The following NAALADL2 variants were observed in gnomAD, a reference collection of about 807,000 sequenced individuals.
The protein encoded by NAALADL2 is N-acetylated alpha-linked acidic dipeptidase like 2, also known as inactive N-acetylated-alpha-linked acidic dipeptidase-like protein 2.
NAALADL2 carries 76 observed loss-of-function variants against 87.2 expected under a neutral mutation model. The observed-to-expected ratio is 0.87, with a 90% CI of 0.72 to 1.05. The LOEUF is 1.05. Ranked by LOEUF, NAALADL2 falls within the 50% of genes least tolerant of loss-of-function variation. The pLI is 0.00. For synonymous variants in NAALADL2, 354 were observed against 331.0 expected (o/e 1.07, Z -0.75); for missense variants, 1,089 against 945.8 (o/e 1.15, Z -1.99).
rs185071855 is a variant in NAALADL2 at position 175,430,147 on chromosome 3, A to G, written c.1091-17082A>G. ...AGAAACAGTGATTATTATTCTGTGG[A>G]TCCTTTCATCTTTAATATTCTGATT... On this transcript the variant is annotated intron_variant, in intron 5 of 13. Coordinates refer to ENST00000454872, the MANE Select transcript of NAALADL2 (RefSeq NM_207015.3). 2.6e-5 allele frequency among the ~76,000 whole-genome samples: 4 copies of G among 151,984 alleles called. No homozygotes were observed. The East Asian group carries it at 7.7e-4, about 29-fold the overall frequency.
At chr3:174,604,221 A>G (rs896968462) in intron 2 of NAALADL2, among the ~76,000 whole-genome samples, 2 of 152,066 alleles carry the variant, frequency 1.3e-5, no homozygotes, top group Admixed American at 6.5e-5. Context: ...CTCTAATAAT[A>G]TTTACTTTAT....
At chr3:174,938,227 T>C (rs1164562937) in intron 1 of NAALADL2, among the ~76,000 whole-genome samples, 2 of 152,032 alleles carry the variant, frequency 1.3e-5, no homozygotes, top group Non-Finnish European at 2.9e-5. Flanking sequence ...TTCTTTGTAT[T>C]CATGAGTTCT....
chr3:174,612,748 C>G (rs1428056376), intron 2 of NAALADL2, among the ~76,000 whole-genome samples: 1 of 152,098 alleles, frequency 6.6e-6, no homozygotes, highest in Admixed American at 6.6e-5. Context: ...TTTGAATTAT[C>G]TATCTGAAAG....
chr3:174,523,492 G>A (rs371666661), intron 1 of NAALADL2: 3 of 152,104 alleles, frequency 2.0e-5, no homozygotes, highest in African/African-American at 7.2e-5. Context: ...ATATTCTGAA[G>A]TTTGTATCTA....
chr3:175,171,639 T>C lies in NAALADL2; in HGVS notation c.546-62292T>C, dbSNP rs183890984. On this transcript the variant is annotated intron_variant, in intron 2 of 13. Coordinates refer to ENST00000454872, the MANE Select transcript of NAALADL2 (RefSeq NM_207015.3). ...GGCTAAAAAGCAGAGTTGTTATTTCTTCTGATTACATTACTATATCTATAT... is the reference window on the plus strand; with the variant it reads ...GGCTAAAAAGCAGAGTTGTTATTTCCTCTGATTACATTACTATATCTATAT... Among the ~76,000 whole-genome samples the C allele has an allele frequency of 2.0e-5, 3 of 152,286 alleles. No individual in the cohort carries two copies. In the East Asian group the frequency reaches 5.8e-4, roughly 29 times the overall value.
intron 11 of NAALADL2, among the ~76,000 whole-genome samples, chr3:175,707,987 G>A (rs900510666): frequency 6.6e-5 from 10 of 151,896 alleles, no homozygotes; most frequent in Non-Finnish European, 1.2e-4. Context: ...ATGATTCACC[G>A]AACTGAAGAC....
In NAALADL2 at chr3:175,146,603, C is replaced by T. The variant is rs146950620; in HGVS notation, c.545+49312C>T. The stretch of plus-strand genomic sequence containing the variant: ...AGCATATTACTAACAGTGTGCTGGA[C>T]GAACTAGATTGTGAAAAATGAATGG... On this transcript the variant is annotated intron_variant, in intron 2 of 13. Coordinates refer to ENST00000454872, the MANE Select transcript of NAALADL2 (RefSeq NM_207015.3). 2.8e-3 allele frequency among the ~76,000 whole-genome samples: 420 copies of T among 152,086 alleles called. 1 individual carries two copies. The highest frequency in any genetic ancestry group is 9.2e-3 in the African/African-American group (380 of 41,502).
At chr3:174,993,207 A>G (rs560152010) in intron 1 of NAALADL2, among the ~76,000 whole-genome samples, 2 of 152,274 alleles carry the variant, frequency 1.3e-5, no homozygotes, top group Admixed American at 6.5e-5. Context: ...AGAGCCGTAG[A>G]AAAGAAACAA....
intron 2 of NAALADL2, among the ~76,000 whole-genome samples, chr3:175,178,486 T>A (rs1464361526): frequency 6.6e-6 from 1 of 152,072 alleles, no homozygotes; most frequent in Admixed American, 6.6e-5. Flanking sequence ...TTCCTTGGGA[T>A]GATCACGTGA....
chr3:175,487,846 G>A (rs1335047222), intron 9 of NAALADL2, among the ~76,000 whole-genome samples: 2 of 152,130 alleles, frequency 1.3e-5, no homozygotes, highest in East Asian at 1.9e-4. Flanking sequence ...ACAAGGCATA[G>A]GATGTCTGCC....
intron 1 of NAALADL2, among the ~76,000 whole-genome samples, chr3:174,483,813 CA>C (rs1717703111): frequency 6.6e-6 from 1 of 151,822 alleles, no homozygotes; most frequent in African/African-American, 2.4e-5. Flanking sequence ...ATTTGTTCAT[CA>C]AAAGACAAGA....
intron 9 of NAALADL2, among the ~76,000 whole-genome samples, chr3:175,538,836 A>C (rs1340928119): frequency 6.6e-6 from 1 of 152,216 alleles, no homozygotes. Context: ...AAAACCATCC[A>C]GCTTACCTCT....
At chr3:175,083,897 C>G (rs557444079) in intron 1 of NAALADL2, among the ~76,000 whole-genome samples, 1 of 152,114 alleles carries the variant, frequency 6.6e-6, no homozygotes, top group Non-Finnish European at 1.5e-5. Flanking sequence ...CCAGATACAG[C>G]GCTAAGCTTC....
chr3:175,527,487 C>A (rs1190304326), intron 9 of NAALADL2, among the ~76,000 whole-genome samples: 5 of 152,286 alleles, frequency 3.3e-5, no homozygotes, highest in Admixed American at 6.5e-5. Flanking sequence ...TAAGCCCCAT[C>A]TACCCCTCTA....
intron 2 of NAALADL2, among the ~76,000 whole-genome samples, chr3:175,212,959 T>C (rs568521841): frequency 1.1e-4 from 17 of 152,060 alleles, no homozygotes; most frequent in Non-Finnish European, 2.1e-4. Context: ...GTGGAGCAAG[T>C]AGTGGTGGTA....
chr3:175,626,258 C>T (rs927904914), intron 10 of NAALADL2, among the ~76,000 whole-genome samples: 2 of 151,828 alleles, frequency 1.3e-5, no homozygotes, highest in Non-Finnish European at 2.9e-5. Context: ...GACTATGACC[C>T]ATTAATTTAT....
At chr3:175,013,160 T>A (rs1309858794) in intron 1 of NAALADL2, among the ~76,000 whole-genome samples, 1 of 132,184 alleles carries the variant, frequency 7.6e-6, no homozygotes, top group Non-Finnish European at 1.6e-5. Context: ...TATTTATATA[T>A]AAATATGTAA....
intron 9 of NAALADL2, among the ~76,000 whole-genome samples, chr3:175,506,023 C>T (rs977028293): frequency 1.3e-5 from 2 of 152,136 alleles, no homozygotes; most frequent in Admixed American, 1.3e-4. Flanking sequence ...GGGTCATTTA[C>T]TACCAGATTC....
intron 11 of NAALADL2, among the ~76,000 whole-genome samples, chr3:175,713,634 G>T (rs1740840217): frequency 6.6e-6 from 1 of 152,090 alleles, no homozygotes; most frequent in Non-Finnish European, 1.5e-5. Flanking sequence ...ACACAACTTT[G>T]ACATTCTATC....
Sources: allele counts gnomAD v4.1 joint callset (sites outside exome capture counted in the v4.1 genomes callset), GRCh38; gene constraint gnomAD v4.1.1; transcripts MANE v1.5; gene names NCBI Gene and HGNC (gene_info 2026-07-23, HGNC 2026-07-21).